The following SNX12 variants were observed in gnomAD, a reference collection of about 807,000 sequenced individuals.
SNX12 encodes sorting nexin 12.
For missense variants in SNX12, 62 were observed against 141.3 expected (o/e 0.44, Z 2.84); for synonymous variants, 47 against 56.0 (o/e 0.84, Z 0.71).
upstream of SNX12, chrX:71,068,372 G>C (rs1569477203): frequency 1.0e-5 from 10 of 954,050 alleles, no homozygotes; most frequent in Non-Finnish European, 1.4e-5. Context: ...GCAGGAGCGC[G>C]CACGGCCCCT....
intron 1 of SNX12, 142 bp from the exon 2 acceptor site, chrX:71,063,091 G>A: frequency 2.2e-6 from 1 of 447,940 alleles, no homozygotes; most frequent in South Asian, 3.2e-5. Flanking sequence ...TCACCACCAG[G>A]TAAAAACCAA....
intron 2 of SNX12, among the ~76,000 whole-genome samples, 199 bp downstream of exon 2, chrX:71,062,655 G>A (rs1023647462): frequency 2.7e-5 from 3 of 112,112 alleles, no homozygotes; most frequent in African/African-American, 9.7e-5. Context: ...TTACAGGCGT[G>A]AGCCACTGTG....
At chrX:71,066,342 C>A (rs2092153135) in intron 1 of SNX12, among the ~76,000 whole-genome samples, 1 of 111,912 alleles carries the variant, frequency 8.9e-6, no homozygotes, top group Non-Finnish European at 1.9e-5. Context: ...CTAATCCCAG[C>A]CCTTTGGGAG....
At chrX:71,061,210 G>T in intron 3 of SNX12, 92 bp from the exon 4 acceptor site, 1 of 733,835 alleles carries the variant, frequency 1.4e-6, no homozygotes, top group Non-Finnish European at 2.1e-6. Flanking sequence ...GAAGGGCAAG[G>T]TCAGCCCTGA....
At chrX:71,073,035 T>TACACACACAC (rs56242437), upstream of SNX12, among the ~76,000 whole-genome samples, 439 of 90,029 alleles carry the variant, frequency 4.9e-3, 2 homozygotes, top group South Asian at 5.6e-3. Context: ...TTATCACACA[T>TACACACACAC]ACACACACAC....
At chrX:71,071,494 AATT>A (rs1483292683), upstream of SNX12, among the ~76,000 whole-genome samples, 4 of 61,216 alleles carry the variant, frequency 6.5e-5, no homozygotes, top group South Asian at 7.0e-4. Flanking sequence ...TATTATATAT[AATT>A]ATTATATTTA....
upstream of SNX12, among the ~76,000 whole-genome samples, chrX:71,071,583 A>AATATATAATATTTATATATTATATATAT (rs1556315623): frequency 2.1e-5 from 1 of 47,138 alleles, no homozygotes; most frequent in Non-Finnish European, 2.9e-5. Flanking sequence ...TATATATATA[A>AATATATAATATTTATATATTATATATAT]ATATATAATA....
upstream of SNX12, among the ~76,000 whole-genome samples, chrX:71,069,119 A>G (rs1178344975): frequency 8.9e-6 from 1 of 112,025 alleles, no homozygotes; most frequent in African/African-American, 3.2e-5. Flanking sequence ...TGGAGATAGA[A>G]TAAATGTTTA....
At position 71,062,794 on chromosome X, in the gene SNX12, C is replaced by G. The variant is rs1327637723; in HGVS notation, c.261+60G>C. The G allele has an allele frequency of 9.6e-6, 7 of 731,550 alleles. No individual in the cohort carries two copies. The African/African-American group carries it at 1.5e-4, about 16-fold the overall frequency. The allele number at this position is 731,550 out of a possible 1,213,427, so 60.3% of individuals were successfully genotyped here. A position where few individuals can be genotyped will look rare whatever the true frequency, so the allele number is the denominator to read the frequency against. On this transcript the variant is annotated intron_variant, in intron 2 of 3. Transcript: ENST00000374274. ...AGACTTTATAGACTGTGGTTGTATG[C>G]CCACTCAGCCTATGCAGAGCTCCTC...
At position 71,059,712 on chromosome X, in the gene SNX12, C is replaced by T. The variant is rs2092124408; in HGVS notation, c.*1304G>A. The T allele has an allele frequency of 1.8e-5, 2 of 111,202 alleles. No individual in the cohort carries two copies. Among genetic ancestry groups the T allele is most frequent in the Admixed American group, 1.9e-4 (2 of 10,391 alleles). The allele number at this position is 111,202 out of a possible 1,213,427, so 9.2% of individuals were successfully genotyped here. On this transcript the variant is annotated 3_prime_UTR_variant, in exon 4 of 4. Coordinates refer to ENST00000374274, the MANE Select transcript of SNX12 (RefSeq NM_013346.4). Reference sequence around the variant, plus strand: ...CTAAGCAAAGAGCCCCCACCTCTCACCTGGCACCAAAGTTAACTTACTCTC... The same window carrying T: ...CTAAGCAAAGAGCCCCCACCTCTCATCTGGCACCAAAGTTAACTTACTCTC...
chrX:71,071,381 T>A (rs1314364853), upstream of SNX12, among the ~76,000 whole-genome samples: 1 of 91,720 alleles, frequency 1.1e-5, no homozygotes, highest in Non-Finnish European at 2.1e-5. Context: ...ATATAAATAA[T>A]TATAATTATA....
chrX:71,062,618 C>T (rs765198772), intron 2 of SNX12, among the ~76,000 whole-genome samples: 2 of 111,496 alleles, frequency 1.8e-5, no homozygotes, highest in East Asian at 5.6e-4. Context: ...GGTGATCCGC[C>T]CGCCTCAGCC....
chrX:71,068,099 C>A (rs1264998145), intron 1 of SNX12, 43 bp downstream of exon 1: 1 of 1,113,570 alleles, frequency 9.0e-7, no homozygotes, highest in Non-Finnish European at 1.2e-6. Flanking sequence ...CCGCTCGCGC[C>A]GCCCGGTCCT....
chrX:71,068,440 C>T (rs1208439553), upstream of SNX12: 1 of 437,766 alleles, frequency 2.3e-6, no homozygotes, highest in Non-Finnish European at 3.6e-6. Flanking sequence ...CGCGCGCCCA[C>T]GCACGCACGC....
rs775032897 is a variant in SNX12, at chrX:71,061,950, C to A, written c.279G>T (p.Leu93=). ...ERDSKIVVPP[L]PGKALKRQLP... is the part of the protein sequence containing the mutation. ...GCTGCCGCTTCAAGGCTTTCCCAGG[C>A]AGTGGTGGTACTACAATCTGCAGGC... The change falls in exon 3 of 4, where the codon CTG becomes CTT. Residue 93 remains leucine, a synonymous_variant. Transcript: ENST00000374274. 34 of 1,196,752 alleles carry A rather than the reference C, an allele frequency of 2.8e-5. No individual in the cohort carries two copies. The highest frequency in any genetic ancestry group is 3.6e-5 in the Non-Finnish European group (32 of 891,070).
chrX:71,068,039 G>A (rs1468736721), intron 1 of SNX12, 103 bp downstream of exon 1: 1 of 756,547 alleles, frequency 1.3e-6, no homozygotes, highest in Non-Finnish European at 1.9e-6. Flanking sequence ...TGACCCCTAA[G>A]GCGTCTTCCC....
intron 1 of SNX12, among the ~76,000 whole-genome samples, chrX:71,067,854 T>C (rs2092159286): frequency 9.1e-6 from 1 of 110,165 alleles, no homozygotes; most frequent in African/African-American, 3.3e-5. Context: ...TCTCCTTGAA[T>C]TCCTCACTCT....
At chrX:71,062,212 C>A (rs2092133975) in intron 2 of SNX12, among the ~76,000 whole-genome samples, 2 of 110,638 alleles carry the variant, frequency 1.8e-5, no homozygotes, top group African/African-American at 6.6e-5. Context: ...TCCTCACTTT[C>A]CTTAACAAGC....
Position 71,062,209 on chromosome X carries a change from T to C in SNX12, c.262-242A>G, listed in dbSNP as rs1373821664. On this transcript the variant is annotated intron_variant, in intron 2 of 3. Coordinates refer to ENST00000374274, the MANE Select transcript of SNX12 (RefSeq NM_013346.4). ...GAAATAAACTCCAAATAATCCTCAC[T>C]TTCCTTAACAAGCCACTACCATTCA... Among the ~76,000 whole-genome samples, 3 of 110,726 alleles carry C rather than the reference T, an allele frequency of 2.7e-5. No homozygotes were observed. In the East Asian group the frequency reaches 8.5e-4, roughly 31 times the overall value.
Sources: allele counts gnomAD v4.1 joint callset (sites outside exome capture counted in the v4.1 genomes callset), GRCh38; gene constraint gnomAD v4.1.1; transcripts MANE v1.5; gene names NCBI Gene and HGNC (gene_info 2026-07-23, HGNC 2026-07-21).